ALB: variants seen among roughly 807,000 people sequenced by gnomAD.
The protein encoded by ALB is albumin, also known as serum albumin.
Under a neutral mutation model 74.5 loss-of-function variants are expected in ALB, and 37 were observed. That is an observed-to-expected ratio of 0.50 (90% CI 0.38 to 0.65). The LOEUF (loss-of-function observed/expected upper bound fraction) is 0.65, where lower values mean the gene tolerates loss of function less well. Among genes scored for constraint, ALB ranks in the 30% least tolerant of loss-of-function variants. The pLI, the probability that ALB is intolerant of heterozygous loss-of-function variation, is 0.00. For synonymous variants in ALB, 249 were observed against 251.6 expected, an observed-to-expected ratio of 0.99 and a Z score of 0.10; for missense variants, 685 against 718.7, an observed-to-expected ratio of 0.95 and a Z score of 0.54.
chr4:73,405,289 T>C, intron 2 of ALB, 116 bp downstream of exon 2: 1 of 873,120 alleles, frequency 1.1e-6, no homozygotes, highest in Non-Finnish European at 1.9e-6. Context: ...TGCTGCCTCG[T>C]AGAGTTTTCT....
chr4:73,418,247 A>C lies in ALB; in HGVS notation c.1588A>C (p.Thr530Pro). The C allele has an allele frequency of 6.2e-7, 1 of 1,614,146 alleles. No homozygotes were observed. The highest frequency in any genetic ancestry group is 8.5e-7 in the Non-Finnish European group (1 of 1,180,008). The stretch of plus-strand genomic sequence containing the variant: ...CGTTCCCAAAGAGTTTAATGCTGAA[A>C]CATTCACCTTCCATGCAGATATATG... ...TYVPKEFNAE[T>P]FTFHADICTL... The change falls in exon 12 of 15, where the codon ACA becomes CCA. Residue 530 changes from threonine to proline, a missense_variant. Thr to Pro is a conservative substitution (Grantham distance 38, BLOSUM62 -1). Transcript: ENST00000295897.
At chr4:73,409,589 C>T (rs112981242) in intron 5 of ALB, 102 bp downstream of exon 5, 119 of 1,421,672 alleles carry the variant, frequency 8.4e-5, no homozygotes, top group African/African-American at 1.0e-4. Context: ...ACAAACTTTC[C>T]GACATGGTCA....
In ALB at chr4:73,404,361, C is replaced by G. The variant is rs867997963; in HGVS notation, c.34C>G (p.Leu12Val). Residue 12 changes from leucine (L) to valine (V), a missense_variant, in exon 1 of 15, where the codon CTC (leucine) becomes GTC (valine). By Grantham distance (32) the Leu-to-Val change is conservative. Coordinates refer to ENST00000295897, the MANE Select transcript of ALB (RefSeq NM_000477.7). ...KWVTFISLLF[L>V]FSSAYSRGVF... ...GGTAACCTTTATTTCCCTTCTTTTT[C>G]TCTTTAGCTCGGCTTATTCCAGGGG... The G allele has an allele frequency of 6.2e-7, 1 of 1,613,774 alleles. No individual in the cohort carries two copies. Among genetic ancestry groups the G allele is most frequent in the Non-Finnish European group, 8.5e-7 (1 of 1,179,798 alleles).
chr4:73,420,937 A>G, intron 14 of ALB, 155 bp from the exon 15 acceptor site: 1 of 517,192 alleles, frequency 1.9e-6, no homozygotes, highest in Non-Finnish European at 3.4e-6. Flanking sequence ...CCAACAGAAG[A>G]ATTCAGCAGC....
chr4:73,407,302 CTT>C (rs1186502205), intron 3 of ALB, among the ~76,000 whole-genome samples: 1 of 152,138 alleles, frequency 6.6e-6, no homozygotes, highest in Admixed American at 6.6e-5. Context: ...GCATTATACT[CTT>C]TGATTCTATG....
At chr4:73,408,976 C>A in intron 4 of ALB, 171 bp downstream of exon 4, 1 of 624,780 alleles carries the variant, frequency 1.6e-6, no homozygotes, top group Non-Finnish European at 2.7e-6. Context: ...TTCTACACAG[C>A]AAAAAATATG....
chr4:73,408,926 A>T (rs1718799982), intron 4 of ALB, 121 bp downstream of exon 4: 2 of 924,440 alleles, frequency 2.2e-6, no homozygotes, highest in African/African-American at 3.4e-5. Flanking sequence ...AAGTTTTGTT[A>T]TGATGATTTT....
intron 2 of ALB, among the ~76,000 whole-genome samples, chr4:73,405,928 G>T (rs1480409191): frequency 2.0e-5 from 3 of 149,644 alleles, no homozygotes; most frequent in Non-Finnish European, 4.4e-5. Flanking sequence ...TGAGAAAATT[G>T]TTTTTTTAAA....
rs764474235 is a variant in ALB, at chr4:73,410,279, T to A, written c.616-33T>A. The stretch of plus-strand genomic sequence containing the variant: ...AGGGGTGTTTCATGTAGAATTTTTC[T>A]TCTAATTTTCATCAAATTATTCCTT... On this transcript the variant is annotated intron_variant, in intron 5 of 14. Coordinates refer to ENST00000295897, the MANE Select transcript of ALB (RefSeq NM_000477.7). 3.2e-6 allele frequency: 5 copies of A among 1,566,046 alleles called. No individual in the cohort carries two copies. In the South Asian group the frequency reaches 5.6e-5, roughly 17 times the overall value.
intron 2 of ALB, among the ~76,000 whole-genome samples, chr4:73,405,877 C>T (rs1412237684): frequency 3.3e-5 from 5 of 151,948 alleles, no homozygotes; most frequent in African/African-American, 9.7e-5. Flanking sequence ...AGTGAGCCAC[C>T]GCGCCCGGCC....
rs1577943574 is a variant in ALB, at chr4:73,421,199, T to G, written c.*131T>G. 1 of 651,074 alleles carries G rather than the reference T, an allele frequency of 1.5e-6. No individual in the cohort carries two copies. The highest frequency in any genetic ancestry group is 2.7e-5 in the East Asian group (1 of 36,636). The allele number at this position is 651,074 out of a possible 1,614,324, so 40.3% of individuals were successfully genotyped here. A position where few individuals can be genotyped will look rare whatever the true frequency, so the allele number is the denominator to read the frequency against. Reference sequence around the variant, plus strand: ...CCCTGTCTAAAAAACATAAATTTCTTTAATCATTTTGCCTCTTTTCTCTGT... The same window carrying G: ...CCCTGTCTAAAAAACATAAATTTCTGTAATCATTTTGCCTCTTTTCTCTGT... On this transcript the variant is annotated 3_prime_UTR_variant, in exon 15 of 15. Coordinates refer to ENST00000295897, the MANE Select transcript of ALB (RefSeq NM_000477.7).
intron 9 of ALB, 196 bp downstream of exon 9, chr4:73,415,363 AG>A: frequency 1.5e-6 from 1 of 657,462 alleles, no homozygotes; most frequent in East Asian, 2.9e-5. Context: ...TAGTTAGAAT[AG>A]AAAGATCTGA....
Position 73,417,635 on chromosome 4 carries a change from C to T in ALB, c.1394C>T (p.Pro465Leu), listed in dbSNP as rs1216671531. Residue 465 changes from proline (P) to leucine (L), a missense_variant, in exon 11 of 15, where the codon CCT becomes CTT. Physicochemically the swap from Pro to Leu is moderately conservative, Grantham distance 98. Coordinates refer to ENST00000295897, the MANE Select transcript of ALB (RefSeq NM_000477.7). Reference protein sequence around the residue: ...GKVGSKCCKHPEAKRMPCAED... With the variant: ...GKVGSKCCKHLEAKRMPCAED... ...GTGGGCAGCAAATGTTGTAAACATCCTGAAGCAAAAAGAATGCCCTGTGCA... is the reference window on the plus strand; with the variant it reads ...GTGGGCAGCAAATGTTGTAAACATCTTGAAGCAAAAAGAATGCCCTGTGCA... 1 of 1,613,666 alleles carries T rather than the reference C, an allele frequency of 6.2e-7. No homozygotes were observed. Among genetic ancestry groups the T allele is most frequent in the Non-Finnish European group, 8.5e-7 (1 of 1,179,808 alleles).
chr4:73,415,393 A>T (rs1024142332), intron 9 of ALB: 1 of 501,250 alleles, frequency 2.0e-6, no homozygotes, highest in African/African-American at 1.9e-5. Context: ...ATCTCTAAAA[A>T]ATTTTGATCT....
intron 2 of ALB, among the ~76,000 whole-genome samples, chr4:73,405,878 G>C (rs892695701): frequency 6.6e-6 from 1 of 152,000 alleles, no homozygotes; most frequent in Non-Finnish European, 1.5e-5. Context: ...GTGAGCCACC[G>C]CGCCCGGCCT....
chr4:73,412,590 C>T (rs1718907192), intron 7 of ALB, among the ~76,000 whole-genome samples: 2 of 152,170 alleles, frequency 1.3e-5, no homozygotes, highest in African/African-American at 4.8e-5. Flanking sequence ...GGATTACAGG[C>T]ATGCGCCACC....
In ALB at chr4:73,410,184, G is replaced by A. The variant is rs1323242151; in HGVS notation, c.616-128G>A. 8.3e-6 allele frequency: 6 copies of A among 727,132 alleles called. No homozygotes were observed. The East Asian group carries it at 1.6e-4, about 19-fold the overall frequency. The allele number at this position is 727,132 out of a possible 1,614,324, so 45.0% of individuals were successfully genotyped here. A position where few individuals can be genotyped will look rare whatever the true frequency, so the allele number is the denominator to read the frequency against. On this transcript the variant is annotated intron_variant, in intron 5 of 14. Coordinates refer to ENST00000295897, the MANE Select transcript of ALB (RefSeq NM_000477.7). ...GCAAAATCATTATTCGCTAAAGGGA[G>A]TACTTGGGAATTTAGGCATAAATTA...
chr4:73,418,973 A>G (rs1719083123), intron 12 of ALB, among the ~76,000 whole-genome samples: 1 of 152,136 alleles, frequency 6.6e-6, no homozygotes, highest in African/African-American at 2.4e-5. Context: ...AGCTCCCATG[A>G]GTTTGGATAG....
intron 9 of ALB, among the ~76,000 whole-genome samples, chr4:73,415,881 T>C (rs182098516): frequency 8.6e-4 from 131 of 152,334 alleles, no homozygotes; most frequent in African/African-American, 2.4e-3. Context: ...CAAGGCACTG[T>C]TTAATTTCAT....
Sources: gnomAD v4.1 joint callset for allele counts (sites outside exome capture counted in the v4.1 genomes callset) on GRCh38, gnomAD v4.1.1 for gene constraint, MANE v1.5 for transcripts, NCBI Gene and HGNC (gene_info 2026-07-23, HGNC 2026-07-21) for gene names.